NEXMIF: variants seen among roughly 807,000 people sequenced by gnomAD.
NEXMIF encodes the protein neurite extension and migration factor.
NEXMIF carries 8 observed loss-of-function variants against 62.1 expected under a neutral mutation model. That is an observed-to-expected ratio of 0.13 (90% confidence interval 0.08 to 0.23). NEXMIF has a LOEUF of 0.23. Ranked by LOEUF, NEXMIF falls within the 10% of genes least tolerant of loss-of-function variation. The probability of loss-of-function intolerance (pLI) is 1.00; values close to 1 mark genes in which losing one functional copy is unlikely to be tolerated. For missense variants in NEXMIF, 976 were observed against 1,113.3 expected, an observed-to-expected ratio of 0.88 and a Z score of 1.75; for synonymous variants, 404 against 416.6, an observed-to-expected ratio of 0.97 and a Z score of 0.37.
At chrX:74,799,838 A>G (rs2080324034) in intron 1 of NEXMIF, among the ~76,000 whole-genome samples, 1 of 111,755 alleles carries the variant, frequency 8.9e-6, no homozygotes, top group Admixed American at 9.5e-5. Flanking sequence ...CATCAAGAAG[A>G]CATAATAATT....
chrX:74,888,216 C>G (rs187812747), intron 1 of NEXMIF, among the ~76,000 whole-genome samples: 17 of 108,067 alleles, frequency 1.6e-4, no homozygotes, highest in Admixed American at 1.4e-3. Context: ...GTGCAGCACA[C>G]AAACATGGCA....
intron 1 of NEXMIF, among the ~76,000 whole-genome samples, chrX:74,795,543 G>T (rs759750683): frequency 9.0e-6 from 1 of 111,725 alleles, no homozygotes; most frequent in African/African-American, 3.3e-5. Flanking sequence ...TGGGGGAACT[G>T]GTTGATAACA....
chrX:74,754,262 C>T (rs1356774419), intron 1 of NEXMIF, among the ~76,000 whole-genome samples: 3 of 108,650 alleles, frequency 2.8e-5, no homozygotes, highest in Non-Finnish European at 5.8e-5. Flanking sequence ...GTGCCTGGCC[C>T]AACTTTCTTT....
intron 1 of NEXMIF, among the ~76,000 whole-genome samples, chrX:74,863,441 C>A (rs973865621): frequency 9.0e-6 from 1 of 111,337 alleles, no homozygotes; most frequent in African/African-American, 3.3e-5. Context: ...AAAGATATCA[C>A]CACTGACTCC....
chrX:74,803,229 C>T (rs2080335016), intron 1 of NEXMIF, among the ~76,000 whole-genome samples: 1 of 111,339 alleles, frequency 9.0e-6, no homozygotes, highest in Non-Finnish European at 1.9e-5. Flanking sequence ...GAAGACCAAG[C>T]ATATTTGACC....
chrX:74,876,403 G>A (rs1412703494), intron 1 of NEXMIF, among the ~76,000 whole-genome samples: 1 of 111,318 alleles, frequency 9.0e-6, no homozygotes, highest in African/African-American at 3.3e-5. Context: ...GGACTGCTTT[G>A]CTTCCAAGTA....
chrX:74,743,327 A>C lies in NEXMIF; in HGVS notation c.1230T>G (p.Asn410Lys). Reference protein sequence around the residue: ...GKDNGEKPALNKPCSGTEVEQ... With the variant: ...GKDNGEKPALKKPCSGTEVEQ... ...CTACTTCAGTCCCACTGCATGGTTT[A>C]TTTAAGGCAGGCTTTTCTCCATTAT... is the stretch of plus-strand genomic sequence containing the variant. Residue 410 changes from asparagine to lysine, a missense_variant, in exon 3 of 4, where the codon AAT becomes AAG. Physicochemically the swap from Asn to Lys is moderately conservative, Grantham distance 94. This residue lies in a region of NEXMIF where 639 missense variants were observed against 694.5 expected (regional missense o/e 0.92). Transcript: ENST00000055682. 8.3e-7 allele frequency: 1 copy of C among 1,211,339 alleles called. No homozygotes were observed. Among genetic ancestry groups the C allele is most frequent in the Non-Finnish European group, 1.1e-6 (1 of 895,312 alleles).
chrX:74,869,657 CAT>C, intron 1 of NEXMIF, among the ~76,000 whole-genome samples: 1 of 111,859 alleles, frequency 8.9e-6, no homozygotes. Flanking sequence ...AGAAATCAGT[CAT>C]ATTTTTATAT....
chrX:74,776,960 C>T (rs774830023), intron 1 of NEXMIF, among the ~76,000 whole-genome samples: 1 of 110,950 alleles, frequency 9.0e-6, no homozygotes. Context: ...GGGTTAAATT[C>T]TACACATTAG....
intron 1 of NEXMIF, among the ~76,000 whole-genome samples, chrX:74,814,560 C>T (rs1375706127): frequency 2.7e-5 from 3 of 111,703 alleles, no homozygotes; most frequent in African/African-American, 9.8e-5. Context: ...AATCATGGTC[C>T]CTATCCCTGG....
Position 74,916,221 on chromosome X carries a change from A to C in NEXMIF, c.-48+8662T>G, listed in dbSNP as rs931670662. 4.5e-5 allele frequency among the ~76,000 whole-genome samples: 5 copies of C among 112,165 alleles called. 1 individual carries two copies. In the Admixed American group the frequency reaches 4.7e-4, roughly 11 times the overall value. On this transcript the variant is annotated intron_variant, in intron 1 of 3. Transcript: ENST00000055682. ...TGTTGCCTCAGAATCACAGGGAAAC[A>C]ATCACATTATTCCCTATTAAATGGG...
intron 1 of NEXMIF, among the ~76,000 whole-genome samples, chrX:74,792,392 C>T (rs1318385077): frequency 9.6e-6 from 1 of 104,409 alleles, no homozygotes; most frequent in Non-Finnish European, 2.0e-5. Flanking sequence ...GCTTTACTTC[C>T]AAGTATGTGG....
At chrX:74,778,223 T>C (rs1393775690) in intron 1 of NEXMIF, among the ~76,000 whole-genome samples, 2 of 111,878 alleles carry the variant, frequency 1.8e-5, no homozygotes, top group East Asian at 2.8e-4. Context: ...CCACTGTGCA[T>C]GGTGCCTGAT....
chrX:74,793,015 A>T (rs1360217613), intron 1 of NEXMIF, among the ~76,000 whole-genome samples: 6 of 108,604 alleles, frequency 5.5e-5, no homozygotes, highest in East Asian at 2.9e-4. Context: ...TGATCCTGTC[A>T]TTATGATGTT....
chrX:74,811,371 G>A (rs775893867), intron 1 of NEXMIF, among the ~76,000 whole-genome samples: 1 of 111,804 alleles, frequency 8.9e-6, no homozygotes, highest in East Asian at 2.8e-4. Context: ...TATGTGACGT[G>A]GGACTGGCTC....
intron 1 of NEXMIF, among the ~76,000 whole-genome samples, chrX:74,876,364 T>G (rs1349774807): frequency 8.9e-6 from 1 of 111,995 alleles, no homozygotes; most frequent in Admixed American, 9.5e-5. Context: ...GACAGTTTGT[T>G]ATAATTTCTG....
chrX:74,834,845 C>T (rs1485347481), intron 1 of NEXMIF, among the ~76,000 whole-genome samples: 2 of 111,409 alleles, frequency 1.8e-5, no homozygotes, highest in African/African-American at 3.3e-5. Context: ...GATATATTTC[C>T]GTAGGTTTGG....
At position 74,803,525 on chromosome X, in the gene NEXMIF, G is replaced by A. The variant is rs1036357727; in HGVS notation, c.-47-57828C>T. 9.1e-5 allele frequency among the ~76,000 whole-genome samples: 10 copies of A among 110,486 alleles called. 1 individual carries two copies. In the East Asian group the frequency reaches 1.7e-3, roughly 19 times the overall value. ...GGAGCTTGCAGTGAGCAGAGATTGC[G>A]CCACTGCACTCCAGCCTGGGCAACA... On this transcript the variant is annotated intron_variant, in intron 1 of 3. Coordinates refer to ENST00000055682, the MANE Select transcript of NEXMIF (RefSeq NM_001008537.3).
intron 1 of NEXMIF, among the ~76,000 whole-genome samples, chrX:74,781,475 TCCTTAGGTGTATGTGAAG>T (rs1320419283): frequency 2.8e-5 from 3 of 106,724 alleles, no homozygotes; most frequent in African/African-American, 6.6e-5. Flanking sequence ...GCCTTAGGTT[TCCTTAGGTGTATGTGAAG>T]CCTTAGGTGT....
Sources: allele counts gnomAD v4.1 joint callset (sites outside exome capture counted in the v4.1 genomes callset), GRCh38; gene constraint gnomAD v4.1.1; regional missense constraint gnomAD v4.1.1; transcripts MANE v1.5; gene names NCBI Gene and HGNC (gene_info 2026-07-23, HGNC 2026-07-21).